NAMPT: variants seen among roughly 807,000 people sequenced by gnomAD.
NAMPT encodes the protein NAmPRTase.
Under a neutral mutation model 58.7 loss-of-function variants are expected in NAMPT, and 7 were observed. The ratio of observed to expected loss-of-function variants is 0.12; its 90% confidence interval spans 0.07 to 0.22. The LOEUF is 0.22. NAMPT is among the 10% of genes least tolerant of loss of function. NAMPT has a pLI of 1.00. For synonymous variants in NAMPT, 145 were observed against 198.1 expected, an observed-to-expected ratio of 0.73 and a Z score of 2.25; for missense variants, 271 against 567.9, an observed-to-expected ratio of 0.48 and a Z score of 5.31.
chr7:106,270,771 G>C (rs929056411), intron 4 of NAMPT, among the ~76,000 whole-genome samples: 5 of 152,174 alleles, frequency 3.3e-5, no homozygotes, highest in Non-Finnish European at 7.3e-5. Context: ...GCCATTAAAG[G>C]ATGTCCAGCC....
chr7:106,270,247 T>G (rs1334765721), intron 4 of NAMPT: 1 of 396,932 alleles, frequency 2.5e-6, no homozygotes, highest in South Asian at 1.9e-5. Context: ...CATAATTTTC[T>G]ATTTTCATTT....
intron 10 of NAMPT, among the ~76,000 whole-genome samples, chr7:106,252,140 TA>T (rs1792114770): frequency 6.6e-6 from 1 of 152,138 alleles, no homozygotes; most frequent in East Asian, 1.9e-4. Context: ...CACATACTCT[TA>T]AATCAGTGTC....
At position 106,248,991 on chromosome 7, in the gene NAMPT, G is replaced by C. The variant is rs1276777091; in HGVS notation, c.*2092C>G. 6.6e-6 allele frequency: 1 copy of C among 151,994 alleles called. No individual in the cohort carries two copies. Among genetic ancestry groups the C allele is most frequent in the Non-Finnish European group, 1.5e-5 (1 of 67,950 alleles). 9.4% of individuals were successfully genotyped at this position (151,994 alleles called of 1,614,324 possible). ...CTAAATTAAACTCTATTCTGAAGCT[G>C]CTGAAATTCACAGAACACAGAGAAT... is the stretch of plus-strand genomic sequence containing the variant. On this transcript the variant is annotated 3_prime_UTR_variant, in exon 11 of 11. Coordinates refer to ENST00000222553, the MANE Select transcript of NAMPT (RefSeq NM_005746.3).
chr7:106,269,020 G>A (rs1792479747), intron 5 of NAMPT, 134 bp downstream of exon 5: 1 of 779,524 alleles, frequency 1.3e-6, no homozygotes, highest in Non-Finnish European at 2.1e-6. Flanking sequence ...AGTAGGTACT[G>A]AATATGTATC....
chr7:106,255,963 TATC>T (rs1246895222), intron 8 of NAMPT, among the ~76,000 whole-genome samples: 1 of 152,200 alleles, frequency 6.6e-6, no homozygotes, highest in East Asian at 1.9e-4. Flanking sequence ...CAAAGAACAG[TATC>T]ATCTAATATC....
chr7:106,265,274 T>C (rs1052718789), intron 6 of NAMPT, among the ~76,000 whole-genome samples: 3 of 152,164 alleles, frequency 2.0e-5, no homozygotes, highest in Admixed American at 2.0e-4. Flanking sequence ...TATAACGTTG[T>C]ATCAGTAAGT....
intron 1 of NAMPT, among the ~76,000 whole-genome samples, chr7:106,280,440 C>T (rs1382764659): frequency 6.6e-6 from 1 of 152,038 alleles, no homozygotes; most frequent in Non-Finnish European, 1.5e-5. Context: ...ACACAGAAAG[C>T]TCTTAAATCA....
rs766773813 is a variant in NAMPT at position 106,252,983 on chromosome 7, T to C, written c.1365+34A>G. The C allele has an allele frequency of 3.1e-6, 5 of 1,600,904 alleles. No individual in the cohort carries two copies. In the South Asian group the frequency reaches 5.7e-5, roughly 18 times the overall value. ...ATTAATTTGGTGAGCCAACCTACTA[T>C]TGCTTAAAAAAACCAATCAGCATAG... On this transcript the variant is annotated intron_variant, in intron 10 of 10. Coordinates refer to ENST00000222553, the MANE Select transcript of NAMPT (RefSeq NM_005746.3).
rs774641179 is a variant in NAMPT, at chr7:106,272,510, G to C, written c.447+20C>G. On this transcript the variant is annotated intron_variant, in intron 4 of 10. Transcript: ENST00000222553. ...TCTTTATTCAATTAATGTTAAATAA[G>C]AATTAAAAAAACAATTTACCTCAAT... The C allele has an allele frequency of 1.1e-5, 18 of 1,591,000 alleles. No homozygotes were observed. Among genetic ancestry groups the C allele is most frequent in the Non-Finnish European group, 1.5e-5 (17 of 1,165,894 alleles).
intron 1 of NAMPT, among the ~76,000 whole-genome samples, chr7:106,277,782 T>TA (rs1554353748): frequency 6.6e-6 from 1 of 152,218 alleles, no homozygotes; most frequent in African/African-American, 2.4e-5. Flanking sequence ...AATAAATTCT[T>TA]AAACATCAAA....
intron 8 of NAMPT, among the ~76,000 whole-genome samples, chr7:106,256,937 A>G (rs931370804): frequency 6.6e-5 from 10 of 152,118 alleles, no homozygotes; most frequent in African/African-American, 2.4e-4. Flanking sequence ...GCACTTTGGG[A>G]GGCCGAGGCA....
At chr7:106,276,887 C>CT (rs2115819625) in intron 2 of NAMPT, 136 bp downstream of exon 2, 3 of 680,188 alleles carry the variant, frequency 4.4e-6, no homozygotes, top group East Asian at 5.6e-5. Context: ...TTTTCTCATA[C>CT]TTAGAACATC....
intron 3 of NAMPT, among the ~76,000 whole-genome samples, chr7:106,274,355 TATTA>T (rs1562818038): frequency 1.3e-5 from 2 of 152,126 alleles, no homozygotes; most frequent in African/African-American, 2.4e-5. Context: ...AATTCATTTT[TATTA>T]ATTACTTAGA....
At chr7:106,266,288 C>T (rs1194612134) in intron 6 of NAMPT, among the ~76,000 whole-genome samples, 1 of 152,194 alleles carries the variant, frequency 6.6e-6, no homozygotes, top group Non-Finnish European at 1.5e-5. Flanking sequence ...CCCTTGCCCA[C>T]ATACAGTATC....
At chr7:106,270,065 A>C (rs1792502312) in intron 4 of NAMPT, 1 of 186,264 alleles carries the variant, frequency 5.4e-6, no homozygotes, top group Non-Finnish European at 1.2e-5. Flanking sequence ...AGTGACTATT[A>C]AGTTCCCAAT....
At chr7:106,282,989 A>G (rs765137938) in intron 1 of NAMPT, among the ~76,000 whole-genome samples, 2 of 152,214 alleles carry the variant, frequency 1.3e-5, no homozygotes, top group Non-Finnish European at 2.9e-5. Flanking sequence ...CCCTAAAAAC[A>G]TAAGGGAAAT....
At chr7:106,280,808 G>A (rs1792747374) in intron 1 of NAMPT, among the ~76,000 whole-genome samples, 1 of 151,852 alleles carries the variant, frequency 6.6e-6, no homozygotes. Context: ...GGGCGTGGTG[G>A]CACGCGCCTG....
chr7:106,267,017 T>C (rs1316854726), intron 6 of NAMPT, among the ~76,000 whole-genome samples: 1 of 152,234 alleles, frequency 6.6e-6, no homozygotes. Flanking sequence ...CTCCCTCCTC[T>C]TTCATTCTTG....
At chr7:106,278,025 A>ATAAC (rs1792685858) in intron 1 of NAMPT, among the ~76,000 whole-genome samples, 1 of 152,246 alleles carries the variant, frequency 6.6e-6, no homozygotes, top group African/African-American at 2.4e-5. Flanking sequence ...AAGAGTAGGA[A>ATAAC]TAACAGTGCC....
Sources: allele counts gnomAD v4.1 joint callset (sites outside exome capture counted in the v4.1 genomes callset), GRCh38; gene constraint gnomAD v4.1.1; transcripts MANE v1.5; gene names NCBI Gene and HGNC (gene_info 2026-07-23, HGNC 2026-07-21).